ZNF229: variants seen among roughly 807,000 people sequenced by gnomAD.
ZNF229 encodes the protein zinc finger protein 229.
ZNF229 carries 10 observed loss-of-function variants against 11.8 expected under a neutral mutation model. That is an observed-to-expected ratio of 0.85 (90% CI 0.52 to 1.44). ZNF229 has a LOEUF of 1.44. Among genes scored for constraint, ZNF229 ranks in the 40% most tolerant of loss-of-function variants. The pLI, the probability that ZNF229 is intolerant of heterozygous loss-of-function variation, is 0.00. For synonymous variants in ZNF229, 368 were observed against 374.8 expected, an observed-to-expected ratio of 0.98 and a Z score of 0.21; for missense variants, 1,045 against 1,015.1, an observed-to-expected ratio of 1.03 and a Z score of -0.40.
rs147902065 is a variant in ZNF229, at chr19:44,441,311, C to A, written c.93+1252G>T. ...AGTAAAAACGTGCTAATTGCTTCAA[C>A]TTTCACAGCAGGAAGTAATCAATAA... On this transcript the variant is annotated intron_variant, in intron 4 of 5. Transcript: ENST00000614049. 5.3e-5 allele frequency among the ~76,000 whole-genome samples: 8 copies of A among 152,150 alleles called. No individual in the cohort carries two copies. The East Asian group carries it at 1.5e-3, about 29-fold the overall frequency.
intron 2 of ZNF229, 56 bp downstream of exon 2, chr19:44,447,457 A>C (rs1972021722): frequency 6.6e-6 from 1 of 152,196 alleles, no homozygotes; most frequent in South Asian, 2.1e-4. Flanking sequence ...TGGGATGAAG[A>C]ATGAGGTCAC....
In ZNF229 at chr19:44,429,655, G is replaced by T. The variant is rs1971671579; in HGVS notation, c.1126C>A (p.Pro376Thr). 6.2e-7 allele frequency: 1 copy of T among 1,614,098 alleles called. No homozygotes were observed. The highest frequency in any genetic ancestry group is 2.2e-5 in the East Asian group (1 of 44,884). Residue 376 changes from proline (P) to threonine (T), a missense_variant, in exon 6 of 6, where the codon CCC becomes ACC. Transcript: ENST00000614049. ...TTCCCACACTCCTCACATTTATAGG[G>T]TCTCCTTCCTGTGTGCACCCCTTGA... Reference protein sequence around the residue: ...IHQGVHTGRRPYKCEECGKAF... With the variant: ...IHQGVHTGRRTYKCEECGKAF...
rs1971878444 is a variant in ZNF229, at chr19:44,439,908, T to C, written c.93+2655A>G. Among the ~76,000 whole-genome samples, 3 of 152,220 alleles carry C rather than the reference T, an allele frequency of 2.0e-5. No homozygotes were observed. The South Asian group carries it at 6.2e-4, about 32-fold the overall frequency. On this transcript the variant is annotated intron_variant, in intron 4 of 5. Coordinates refer to ENST00000614049, the MANE Select transcript of ZNF229 (RefSeq NM_014518.4). ...TGGTCTGTCTTCTACTAAATCTTTATTTTAAAAGTTATAATGAAATATATA... is the reference window on the plus strand; with the variant it reads ...TGGTCTGTCTTCTACTAAATCTTTACTTTAAAAGTTATAATGAAATATATA...
chr19:44,428,969 C>G lies in ZNF229; in HGVS notation c.1812G>C (p.Val604=). 6.2e-7 allele frequency: 1 copy of G among 1,613,898 alleles called. No individual in the cohort carries two copies. ...HTGERPYVCD[V]CGKGFIYSSD... The stretch of plus-strand genomic sequence containing the variant: ...AGCTGTAGATGAAACCCTTCCCACA[C>G]ACGTCACACACGTAGGGCCTCTCTC... Residue 604 remains valine (V), a synonymous_variant, in exon 6 of 6, where the codon GTG becomes GTC. Coordinates refer to ENST00000614049, the MANE Select transcript of ZNF229 (RefSeq NM_014518.4).
intron 4 of ZNF229, among the ~76,000 whole-genome samples, chr19:44,440,000 C>T (rs1214304264): frequency 6.6e-6 from 1 of 152,038 alleles, no homozygotes; most frequent in Non-Finnish European, 1.5e-5. Flanking sequence ...TGGCAGACAA[C>T]CCAAAAACAT....
intron 4 of ZNF229, among the ~76,000 whole-genome samples, chr19:44,436,539 G>A (rs997998331): frequency 3.3e-5 from 5 of 152,120 alleles, no homozygotes; most frequent in Non-Finnish European, 5.9e-5. Context: ...CCAGCACTTT[G>A]TGAGGCCAAG....
rs778072345 is a variant in ZNF229, at chr19:44,429,732, C to G, written c.1049G>C (p.Arg350Thr). The change falls in exon 6 of 6, where the codon AGA (arginine) becomes ACA (threonine). Residue 350 changes from arginine (R) to threonine (T), a missense_variant. Coordinates refer to ENST00000614049, the MANE Select transcript of ZNF229 (RefSeq NM_014518.4). The stretch of plus-strand genomic sequence containing the variant: ...GAACCCCTTTCCACAGACATCACAT[C>G]TATAGGGCATGTCTCCCACAGGGGC... Reference protein sequence around the residue: ...PRAPVGDMPYRCDVCGKGFRY... With the variant: ...PRAPVGDMPYTCDVCGKGFRY... 6.2e-7 allele frequency: 1 copy of G among 1,614,118 alleles called. No homozygotes were observed. Among genetic ancestry groups the G allele is most frequent in the Admixed American group, 1.7e-5 (1 of 60,024 alleles).
chr19:44,430,564 A>G, intron 5 of ZNF229, 22 bp from the exon 6 acceptor site: 1 of 1,588,636 alleles, frequency 6.3e-7, no homozygotes, highest in Non-Finnish European at 8.6e-7. Flanking sequence ...AAGACAATTC[A>G]GAGATGAGAA....
At chr19:44,447,809 C>A (rs2571161) in intron 1 of ZNF229, among the ~76,000 whole-genome samples, 12,260 of 152,148 alleles carry the variant, frequency 0.081, 688 homozygotes, top group East Asian at 0.28. Context: ...CCCAAAGAAA[C>A]CGTCTACAAG....
At position 44,427,404 on chromosome 19, in the gene ZNF229, A is replaced by T. The variant is rs1971597271; in HGVS notation, c.*899T>A. ...ATTATATTCATGACAGCAATAAAACAAATTCCTAGAAATATGCTTAAGATG... is the reference window on the plus strand; with the variant it reads ...ATTATATTCATGACAGCAATAAAACTAATTCCTAGAAATATGCTTAAGATG... On this transcript the variant is annotated 3_prime_UTR_variant, in exon 6 of 6. Coordinates refer to ENST00000614049, the MANE Select transcript of ZNF229 (RefSeq NM_014518.4). 6.6e-6 allele frequency: 1 copy of T among 152,092 alleles called. No individual in the cohort carries two copies. Among genetic ancestry groups the T allele is most frequent in the Non-Finnish European group, 1.5e-5 (1 of 68,034 alleles). The allele number at this position is 152,092 out of a possible 1,614,324, so 9.4% of individuals were successfully genotyped here. A position where few individuals can be genotyped will look rare whatever the true frequency, so the allele number is the denominator to read the frequency against.
chr19:44,443,450 C>T (rs571616124), intron 2 of ZNF229, among the ~76,000 whole-genome samples: 2 of 152,124 alleles, frequency 1.3e-5, no homozygotes, highest in Non-Finnish European at 1.5e-5. Flanking sequence ...CTTTAGTCAG[C>T]GTTTTTAACT....
At chr19:44,445,513 G>A (rs796079095) in intron 2 of ZNF229, among the ~76,000 whole-genome samples, 8 of 152,104 alleles carry the variant, frequency 5.3e-5, no homozygotes, top group Admixed American at 1.3e-4. Flanking sequence ...CCTCATCACC[G>A]GGCCTTCGTG....
chr19:44,434,674 G>A (rs921972751), intron 4 of ZNF229, among the ~76,000 whole-genome samples: 2 of 152,216 alleles, frequency 1.3e-5, no homozygotes, highest in Admixed American at 1.3e-4. Flanking sequence ...TTTGCCTTCA[G>A]CATGTCCCTG....
At position 44,428,078 on chromosome 19, in the gene ZNF229, C is replaced by T. The variant is rs943780471; in HGVS notation, c.*225G>A. The T allele has an allele frequency of 8.0e-6, 4 of 501,884 alleles. No individual in the cohort carries two copies. Among genetic ancestry groups the T allele is most frequent in the African/African-American group, 7.6e-5 (4 of 52,394 alleles). The allele number at this position is 501,884 out of a possible 1,614,324, so 31.1% of individuals were successfully genotyped here. A position where few individuals can be genotyped will look rare whatever the true frequency, so the allele number is the denominator to read the frequency against. ...CCACTGCTGCACTGTTTCTTTAAAG[C>T]CTACTCCGCTGCACAACAGACTCTT... On this transcript the variant is annotated 3_prime_UTR_variant, in exon 6 of 6. Coordinates refer to ENST00000614049, the MANE Select transcript of ZNF229 (RefSeq NM_014518.4).
rs560205188 is a variant in ZNF229 at position 44,435,799 on chromosome 19, A to G, written c.94-3433T>C. The stretch of plus-strand genomic sequence containing the variant: ...TAACTGAGGGAAAACAGAGGAGAGA[A>G]AATTCCACACAGTGGGAACAGTTGG... On this transcript the variant is annotated intron_variant, in intron 4 of 5. Coordinates refer to ENST00000614049, the MANE Select transcript of ZNF229 (RefSeq NM_014518.4). Among the ~76,000 whole-genome samples, 3 of 152,360 alleles carry G rather than the reference A, an allele frequency of 2.0e-5. No homozygotes were observed. In the East Asian group the frequency reaches 5.8e-4, roughly 29 times the overall value.
rs1372211762 is a variant in ZNF229 at position 44,429,018 on chromosome 19, T to G, written c.1763A>C (p.His588Pro). ...TCCCGTGTGGACCCTCTGGTGGCTG[T>G]GAAGGTCTGAATTCCGCCGGAAGCC... ...GKGFRRNSDL[H>P]SHQRVHTGER... is the part of the protein sequence containing the mutation. Residue 588 changes from histidine (H) to proline (P), a missense_variant, in exon 6 of 6, where the codon CAC becomes CCC. Transcript: ENST00000614049. 2 of 1,611,308 alleles carry G rather than the reference T, an allele frequency of 1.2e-6. No homozygotes were observed. The highest frequency in any genetic ancestry group is 2.7e-5 in the African/African-American group (2 of 73,880).
chr19:44,435,074 C>T lies in ZNF229; in HGVS notation c.94-2708G>A, dbSNP rs114542669. On this transcript the variant is annotated intron_variant, in intron 4 of 5. Transcript: ENST00000614049. ...TGAGTGTGAGGCCTCCCCAACCATGCGGAACTGTGACTCAAGCCTCTTTCC... is the reference window on the plus strand; with the variant it reads ...TGAGTGTGAGGCCTCCCCAACCATGTGGAACTGTGACTCAAGCCTCTTTCC... 2.2e-3 allele frequency among the ~76,000 whole-genome samples: 331 copies of T among 152,258 alleles called. 2 individuals carry two copies. Among genetic ancestry groups the T allele is most frequent in the African/African-American group, 7.4e-3 (307 of 41,564 alleles).
At chr19:44,442,235 G>T (rs1029566568) in intron 4 of ZNF229, among the ~76,000 whole-genome samples, 7 of 152,204 alleles carry the variant, frequency 4.6e-5, no homozygotes, top group African/African-American at 1.7e-4. Context: ...AGGCAGCGAT[G>T]ATTCAGTATT....
chr19:44,429,283 G>A lies in ZNF229; in HGVS notation c.1498C>T (p.His500Tyr). The A allele has an allele frequency of 1.2e-6, 2 of 1,613,864 alleles. No homozygotes were observed. Among genetic ancestry groups the A allele is most frequent in the Non-Finnish European group, 1.7e-6 (2 of 1,179,980 alleles). ...QCDKCGKGFS[H>Y]NSYLQAHQRV... ...TGGTGAGCTTGAAGGTACGAGTTGT[G>A]ACTGAAACCTTTGCCACACTTGTCA... The change falls in exon 6 of 6, where the codon CAC becomes TAC. Residue 500 changes from histidine to tyrosine, a missense_variant. Coordinates refer to ENST00000614049, the MANE Select transcript of ZNF229 (RefSeq NM_014518.4).
Sources: allele counts gnomAD v4.1 joint callset (sites outside exome capture counted in the v4.1 genomes callset), GRCh38; gene constraint gnomAD v4.1.1; transcripts MANE v1.5; gene names NCBI Gene and HGNC (gene_info 2026-07-23, HGNC 2026-07-21).